Variants in KCNIP3 observed in about 807,000 individuals in gnomAD.
KCNIP3 encodes the protein potassium voltage-gated channel interacting protein 3.
A neutral mutation model predicts 35.0 loss-of-function variants in KCNIP3; 28 were observed. The observed-to-expected ratio is 0.80, with a 90% CI of 0.59 to 1.10. The LOEUF is 1.10. KCNIP3 is among the 50% of genes least tolerant of loss of function. KCNIP3 has a pLI of 0.00. For synonymous variants in KCNIP3, 134 were observed against 133.8 expected, an observed-to-expected ratio of 1.00 and a Z score of -0.01; for missense variants, 295 against 338.4, an observed-to-expected ratio of 0.87 and a Z score of 1.01.
intron 1 of KCNIP3, among the ~76,000 whole-genome samples, chr2:95,306,299 A>G (rs1263974952): frequency 6.6e-6 from 1 of 152,178 alleles, no homozygotes; most frequent in African/African-American, 2.4e-5. Context: ...CTCTGGTGAA[A>G]TGTCTGTGCA....
At chr2:95,304,353 G>T (rs1678118736) in intron 1 of KCNIP3, among the ~76,000 whole-genome samples, 1 of 152,232 alleles carries the variant, frequency 6.6e-6, no homozygotes, top group Non-Finnish European at 1.5e-5. Context: ...CATGAAATAA[G>T]GCAGCAGCGA....
chr2:95,382,555 G>A lies in KCNIP3; in HGVS notation c.660+74G>A, dbSNP rs774933981. ...GGGCTCTCGCTTTTGGGGCCACCCCGGGCAAGTGGCTTGCCCCTCTGAGCC... is the reference window on the plus strand; with the variant it reads ...GGGCTCTCGCTTTTGGGGCCACCCCAGGCAAGTGGCTTGCCCCTCTGAGCC... On this transcript the variant is annotated intron_variant, in intron 7 of 8. Coordinates refer to ENST00000295225, the MANE Select transcript of KCNIP3 (RefSeq NM_013434.5). The surrounding 1 kb of genome is among the most constrained non-coding windows in gnomAD (Gnocchi z 4.5). The A allele has an allele frequency of 1.2e-4, 131 of 1,110,266 alleles. No homozygotes were observed. Among genetic ancestry groups the A allele is most frequent in the African/African-American group, 9.4e-5 (6 of 64,014 alleles). The allele number at this position is 1,110,266 out of a possible 1,614,324, so 68.8% of individuals were successfully genotyped here.
intron 2 of KCNIP3, among the ~76,000 whole-genome samples, chr2:95,356,212 A>G (rs1258126113): frequency 6.6e-6 from 1 of 151,040 alleles, no homozygotes; most frequent in Non-Finnish European, 1.5e-5. Context: ...TTTTTCTTGT[A>G]AATTTGTTTG....
At chr2:95,340,065 C>T (rs1292806592) in intron 2 of KCNIP3, among the ~76,000 whole-genome samples, 4 of 152,152 alleles carry the variant, frequency 2.6e-5, no homozygotes, top group Admixed American at 2.6e-4. Context: ...AGGCTGGGCA[C>T]GGTGGCTCAT....
chr2:95,337,511 T>C (rs1679088511), intron 2 of KCNIP3, among the ~76,000 whole-genome samples: 1 of 152,230 alleles, frequency 6.6e-6, no homozygotes. Context: ...CATTGGGATA[T>C]AAGATGAATC....
chr2:95,343,283 A>G (rs929419482), intron 2 of KCNIP3, among the ~76,000 whole-genome samples: 6 of 152,178 alleles, frequency 3.9e-5, no homozygotes, highest in Non-Finnish European at 8.8e-5. Flanking sequence ...TGAAGAGGTC[A>G]GCTTTGGAGG....
chr2:95,330,608 G>A (rs1042255105), intron 2 of KCNIP3, among the ~76,000 whole-genome samples: 2 of 152,238 alleles, frequency 1.3e-5, no homozygotes, highest in Admixed American at 6.5e-5. Context: ...CACAAGGGGC[G>A]TGAGAGGACA....
At chr2:95,322,949 C>T (rs551377161) in intron 2 of KCNIP3, among the ~76,000 whole-genome samples, 27 of 152,342 alleles carry the variant, frequency 1.8e-4, no homozygotes, top group Non-Finnish European at 2.8e-4. Flanking sequence ...TAAGAGCCAC[C>T]GCGAGCAGGT....
intron 2 of KCNIP3, among the ~76,000 whole-genome samples, chr2:95,338,706 G>A (rs1262800926): frequency 1.3e-5 from 2 of 152,172 alleles, no homozygotes; most frequent in Admixed American, 6.5e-5. Context: ...GAGTCTACTC[G>A]AGCGGAAGAA....
chr2:95,318,376 G>C (rs1678510625), intron 2 of KCNIP3, among the ~76,000 whole-genome samples: 1 of 152,238 alleles, frequency 6.6e-6, no homozygotes, highest in Non-Finnish European at 1.5e-5. Context: ...AAAGGCAGAA[G>C]TGGTGTCTGT....
At chr2:95,351,356 TGA>T (rs1257046821) in intron 2 of KCNIP3, among the ~76,000 whole-genome samples, 2 of 152,218 alleles carry the variant, frequency 1.3e-5, no homozygotes, top group African/African-American at 4.8e-5. Context: ...GCAGATCCTA[TGA>T]GAGGCATTTG....
At chr2:95,305,832 T>G (rs1328710542) in intron 1 of KCNIP3, among the ~76,000 whole-genome samples, 1 of 152,256 alleles carries the variant, frequency 6.6e-6, no homozygotes, top group Non-Finnish European at 1.5e-5. Context: ...ACAGTTTGTT[T>G]GTTTTACTTG....
At position 95,310,515 on chromosome 2, in the gene KCNIP3, G is replaced by A. The variant is rs1391204772; in HGVS notation, c.176G>A (p.Gly59Asp). The A allele has an allele frequency of 6.2e-7, 1 of 1,613,354 alleles. No homozygotes were observed. The highest frequency in any genetic ancestry group is 2.2e-5 in the East Asian group (1 of 44,840). Reference protein sequence around the residue: ...KWILSSTAPQGSDSSDSELEL... With the variant: ...KWILSSTAPQDSDSSDSELEL... ...ATCCTGTCCAGCACAGCCCCACAGG[G>A]CTCAGGTAGGGGCCAGGGTGGGCTG... is the stretch of plus-strand genomic sequence containing the variant. The change falls in exon 2 of 9, where the codon GGC becomes GAC. Residue 59 changes from glycine to aspartate, a missense_variant. Transcript: ENST00000295225.
At chr2:95,328,385 C>A (rs1034689455) in intron 2 of KCNIP3, among the ~76,000 whole-genome samples, 1 of 152,242 alleles carries the variant, frequency 6.6e-6, no homozygotes, top group East Asian at 1.9e-4. Context: ...CCACAGTATC[C>A]CGCTTGGGAA....
intron 2 of KCNIP3, among the ~76,000 whole-genome samples, chr2:95,341,191 C>T (rs758426764): frequency 1.3e-5 from 2 of 152,134 alleles, no homozygotes; most frequent in African/African-American, 4.8e-5. Flanking sequence ...GCTGTTCTCA[C>T]GATACAGAGT....
rs931272418 is a variant in KCNIP3, at chr2:95,381,349, A to G, written c.448-247A>G. Among the ~76,000 whole-genome samples the G allele has an allele frequency of 2.6e-4, 39 of 151,706 alleles. 1 individual carries two copies. Among genetic ancestry groups the G allele is most frequent in the Middle Eastern group, 6.3e-3 (2 of 316 alleles). Reference sequence around the variant, plus strand: ...GATGCACACCCTCACACAGGTGCACACCCTCACACAAGTTCTCACACAGGT... The same window carrying G: ...GATGCACACCCTCACACAGGTGCACGCCCTCACACAAGTTCTCACACAGGT... On this transcript the variant is annotated intron_variant, in intron 5 of 8. Transcript: ENST00000295225.
At chr2:95,349,081 T>C (rs1010691212) in intron 2 of KCNIP3, among the ~76,000 whole-genome samples, 1 of 151,680 alleles carries the variant, frequency 6.6e-6, no homozygotes, top group Admixed American at 6.6e-5. Context: ...ATTCTCTCAC[T>C]CAGACACCCC....
intron 2 of KCNIP3, among the ~76,000 whole-genome samples, chr2:95,315,905 G>A (rs1678449180): frequency 1.3e-5 from 2 of 152,308 alleles, no homozygotes; most frequent in South Asian, 2.1e-4. Flanking sequence ...TGGGCATGAC[G>A]ACAGAGCACT....
At chr2:95,314,263 T>C (rs1023658604) in intron 2 of KCNIP3, among the ~76,000 whole-genome samples, 1 of 152,214 alleles carries the variant, frequency 6.6e-6, no homozygotes. Context: ...CAGGATACAA[T>C]TGACATCATG....
Sources: allele counts gnomAD v4.1 joint callset (sites outside exome capture counted in the v4.1 genomes callset), GRCh38; gene constraint gnomAD v4.1.1; non-coding constraint Gnocchi (gnomAD v3.1); transcripts MANE v1.5; gene names NCBI Gene and HGNC (gene_info 2026-07-23, HGNC 2026-07-21).